AKAP6: variants seen among roughly 807,000 people sequenced by gnomAD.
AKAP6 encodes the protein A-kinase anchor protein 6.
Under a neutral mutation model 188.5 loss-of-function variants are expected in AKAP6, and 58 were observed. The observed-to-expected ratio is 0.31, with a 90% CI of 0.25 to 0.38. The LOEUF (loss-of-function observed/expected upper bound fraction) is 0.38, where lower values mean the gene tolerates loss of function less well. Among genes scored for constraint, AKAP6 ranks in the 10% least tolerant of loss-of-function variants. The pLI is 1.00. For synonymous variants in AKAP6, 989 were observed against 998.6 expected (o/e 0.99, Z 0.18); for missense variants, 2,710 against 2,740.0 (o/e 0.99, Z 0.24).
At chr14:32,795,431 C>G (rs2033736742) in intron 12 of AKAP6, among the ~76,000 whole-genome samples, 1 of 152,134 alleles carries the variant, frequency 6.6e-6, no homozygotes, top group Admixed American at 6.5e-5. Flanking sequence ...CATCAAAAAG[C>G]TTATCCACCA....
chr14:32,607,332 G>A (rs1352890129), intron 7 of AKAP6, among the ~76,000 whole-genome samples: 2 of 152,322 alleles, frequency 1.3e-5, no homozygotes, highest in Middle Eastern at 3.4e-3. Flanking sequence ...TGTGTCGTCA[G>A]TCCCACATAT....
intron 7 of AKAP6, among the ~76,000 whole-genome samples, chr14:32,662,906 G>C (rs1442374607): frequency 1.3e-5 from 2 of 151,920 alleles, no homozygotes; most frequent in Non-Finnish European, 2.9e-5. Flanking sequence ...TTTTCCTGTA[G>C]ACTTTCTCTT....
At chr14:32,730,534 T>G (rs2031122031) in intron 9 of AKAP6, among the ~76,000 whole-genome samples, 1 of 152,128 alleles carries the variant, frequency 6.6e-6, no homozygotes. Context: ...ATGTGCTGTG[T>G]GAGAGCTGTT....
intron 9 of AKAP6, among the ~76,000 whole-genome samples, chr14:32,710,077 A>G (rs1890978399): frequency 6.6e-6 from 1 of 151,988 alleles, no homozygotes; most frequent in Non-Finnish European, 1.5e-5. Context: ...ATTAACAGTT[A>G]ATAAAATAGT....
intron 4 of AKAP6, among the ~76,000 whole-genome samples, chr14:32,547,907 G>T (rs2139162005): frequency 6.6e-6 from 1 of 152,106 alleles, no homozygotes; most frequent in East Asian, 1.9e-4. Flanking sequence ...TCTTTTAAGA[G>T]GCATCTGGGC....
intron 1 of AKAP6, among the ~76,000 whole-genome samples, chr14:32,405,984 G>C (rs546012212): frequency 6.6e-6 from 1 of 152,282 alleles, no homozygotes; most frequent in South Asian, 2.1e-4. Context: ...TCAAGTTTCA[G>C]TTCTTCCTTT....
intron 11 of AKAP6, among the ~76,000 whole-genome samples, chr14:32,770,262 A>T (rs2032857751): frequency 5.9e-5 from 9 of 152,224 alleles, no homozygotes. Flanking sequence ...AAAGACAGAT[A>T]ATGACCTCCA....
At chr14:32,432,204 A>G (rs1291454098) in intron 1 of AKAP6, among the ~76,000 whole-genome samples, 1 of 151,984 alleles carries the variant, frequency 6.6e-6, no homozygotes, top group African/African-American at 2.4e-5. Flanking sequence ...GTAGAACCCG[A>G]AAAAAAAGTA....
intron 2 of AKAP6, among the ~76,000 whole-genome samples, chr14:32,470,450 C>G (rs547743273): frequency 1.1e-4 from 17 of 152,246 alleles, no homozygotes; most frequent in Non-Finnish European, 1.6e-4. Flanking sequence ...TATTCTCTGA[C>G]TCATGGCTTA....
chr14:32,345,390 A>G (rs958797988), intron 1 of AKAP6, among the ~76,000 whole-genome samples: 3 of 152,216 alleles, frequency 2.0e-5, no homozygotes, highest in Admixed American at 6.5e-5. Flanking sequence ...ATTGCCTTGG[A>G]AATGATTACA....
At chr14:32,689,596 G>A (rs1256252489) in intron 8 of AKAP6, among the ~76,000 whole-genome samples, 1 of 152,114 alleles carries the variant, frequency 6.6e-6, no homozygotes, top group African/African-American at 2.4e-5. Context: ...ACTTTCATAT[G>A]TTTAGAGTGG....
chr14:32,452,797 T>C (rs752411915), intron 2 of AKAP6, among the ~76,000 whole-genome samples: 12 of 152,248 alleles, frequency 7.9e-5, no homozygotes, highest in Non-Finnish European at 1.2e-4. Flanking sequence ...GGCAAGTGAC[T>C]GAAATTCTCT....
intron 1 of AKAP6, among the ~76,000 whole-genome samples, chr14:32,381,130 AGTTC>A (rs1322176610): frequency 6.6e-6 from 1 of 152,156 alleles, no homozygotes; most frequent in East Asian, 1.9e-4. Flanking sequence ...TGAGGCCAAG[AGTTC>A]GAGACCAGCC....
intron 1 of AKAP6, among the ~76,000 whole-genome samples, chr14:32,332,273 A>G (rs1260559876): frequency 6.6e-6 from 1 of 152,090 alleles, no homozygotes; most frequent in Non-Finnish European, 1.5e-5. Context: ...TTTACTGTAT[A>G]TACCATACAG....
intron 9 of AKAP6, chr14:32,718,256 C>G: frequency 2.0e-6 from 2 of 984,538 alleles, no homozygotes; most frequent in Non-Finnish European, 2.4e-6. Flanking sequence ...CATAGGAGAA[C>G]AGCAAAAAAA....
intron 7 of AKAP6, among the ~76,000 whole-genome samples, chr14:32,648,699 ACT>A (rs1368194569): frequency 1.3e-5 from 2 of 152,128 alleles, no homozygotes; most frequent in Non-Finnish European, 2.9e-5. Context: ...GGAAAAGCAT[ACT>A]CTGTGTTTGT....
chr14:32,818,353 C>T (rs2034439021), intron 12 of AKAP6, among the ~76,000 whole-genome samples: 2 of 152,040 alleles, frequency 1.3e-5, no homozygotes, highest in Admixed American at 6.6e-5. Context: ...ACACAGATAC[C>T]AAAATCCTCA....
intron 2 of AKAP6, among the ~76,000 whole-genome samples, chr14:32,499,833 T>C (rs1352689431): frequency 2.6e-5 from 4 of 151,934 alleles, no homozygotes; most frequent in Admixed American, 2.6e-4. Flanking sequence ...TGTTACATGG[T>C]TTTTAACCTA....
At chr14:32,602,095 G>A (rs576181569) in intron 7 of AKAP6, among the ~76,000 whole-genome samples, 1 of 152,298 alleles carries the variant, frequency 6.6e-6, no homozygotes, top group South Asian at 2.1e-4. Flanking sequence ...AACTAATAAT[G>A]TAGAGTGGAG....
Sources: allele counts gnomAD v4.1 joint callset (sites outside exome capture counted in the v4.1 genomes callset), GRCh38; gene constraint gnomAD v4.1.1; transcripts MANE v1.5; gene names NCBI Gene and HGNC (gene_info 2026-07-23, HGNC 2026-07-21).